Variants in PLCZ1 observed in about 807,000 individuals in gnomAD.
The protein encoded by PLCZ1 is 1-phosphatidylinositol 4,5-bisphosphate phosphodiesterase zeta-1.
A neutral mutation model predicts 76.8 loss-of-function variants in PLCZ1; 64 were observed. The ratio of observed to expected loss-of-function variants is 0.83; its 90% confidence interval spans 0.68 to 1.03. PLCZ1 has a LOEUF of 1.03. Among genes scored for constraint, PLCZ1 ranks in the 50% least tolerant of loss-of-function variants. PLCZ1 has a pLI of 0.00. For missense variants in PLCZ1, 751 were observed against 713.7 expected (o/e 1.05, Z -0.60); for synonymous variants, 248 against 230.8 (o/e 1.07, Z -0.68).
At chr12:18,709,234 C>T (rs1006411703) in intron 6 of PLCZ1, among the ~76,000 whole-genome samples, 24 of 137,908 alleles carry the variant, frequency 1.7e-4, no homozygotes, top group Admixed American at 3.0e-4. Context: ...TTTAGCATGT[C>T]GAAATTCAGT....
At chr12:18,648,860 CA>C in the PLCZ1 span, among the ~76,000 whole-genome samples, 4 of 152,014 alleles carry the variant, frequency 2.6e-5, no homozygotes, top group Non-Finnish European at 1.5e-5. Flanking sequence ...TTCTTTAAAA[CA>C]ATCAAAAAAA....
chr12:18,647,411 T>C, the PLCZ1 span, among the ~76,000 whole-genome samples: 2 of 150,886 alleles, frequency 1.3e-5, no homozygotes, highest in Non-Finnish European at 2.9e-5. Flanking sequence ...GCAATATACC[T>C]CTGGTACAAA....
At chr12:18,661,699 A>G in the PLCZ1 span, among the ~76,000 whole-genome samples, 2 of 152,252 alleles carry the variant, frequency 1.3e-5, no homozygotes, top group South Asian at 4.1e-4. Flanking sequence ...TGCTGGTGGG[A>G]AAGAAATTAG....
Position 18,683,967 on chromosome 12 carries a change from A to G in PLCZ1, c.1741+163T>C, listed in dbSNP as rs577803970. On this transcript the variant is annotated intron_variant, in intron 14 of 14. Transcript: ENST00000266505. ...CCCCCACCCCACCTTCCACATGAGA[A>G]CACATTTTTATAATTCCACAGAGAA... 3.1e-3 allele frequency among the ~76,000 whole-genome samples: 479 copies of G among 152,070 alleles called. 4 individuals carry two copies. Among genetic ancestry groups the G allele is most frequent in the African/African-American group, 0.011 (443 of 41,518 alleles).
the PLCZ1 span, among the ~76,000 whole-genome samples, chr12:18,669,498 G>A: frequency 6.0e-4 from 91 of 152,144 alleles, no homozygotes; most frequent in African/African-American, 1.3e-3. Context: ...CCATAGACTC[G>A]GTGGCTTAAA....
In PLCZ1 at chr12:18,695,044, C is replaced by A. The variant is rs868835001; in HGVS notation, c.1327G>T (p.Asp443Tyr). ...TCCAAAAATTTCCCATTTTGCAGAT[C>A]CATGGGCAGACCAGGGGTCTGGAAA... is the stretch of plus-strand genomic sequence containing the variant. ...LNFQTPGLPM[D>Y]LQNGKFLDNG... Residue 443 changes from aspartate to tyrosine, a missense_variant, in exon 12 of 15, where the codon GAT becomes TAT. Physicochemically the swap from Asp to Tyr is radical, Grantham distance 160 (BLOSUM62 -3). Coordinates refer to ENST00000266505, the MANE Select transcript of PLCZ1 (RefSeq NM_033123.4). 1 of 1,613,098 alleles carries A rather than the reference C, an allele frequency of 6.2e-7. No homozygotes were observed. The highest frequency in any genetic ancestry group is 1.7e-5 in the Admixed American group (1 of 59,966).
chr12:18,709,495 T>C lies in PLCZ1; in HGVS notation c.714+3347A>G, dbSNP rs564967958. ...TCATTTCTCAGAATTATTTTGGCTA[T>C]TTGAAGTCTTTTATCCTTCTTTACA... On this transcript the variant is annotated intron_variant, in intron 6 of 14. Transcript: ENST00000266505. Among the ~76,000 whole-genome samples the C allele has an allele frequency of 8.0e-5, 12 of 150,788 alleles. No homozygotes were observed. The South Asian group carries it at 2.1e-3, about 26-fold the overall frequency.
At chr12:18,660,136 C>T in the PLCZ1 span, among the ~76,000 whole-genome samples, 30 of 152,200 alleles carry the variant, frequency 2.0e-4, no homozygotes, top group African/African-American at 6.7e-4. Context: ...TTGCTTGCAC[C>T]TTCCAGGAGA....
At chr12:18,702,770 T>C (rs536241297) in intron 7 of PLCZ1, among the ~76,000 whole-genome samples, 107 of 151,794 alleles carry the variant, frequency 7.0e-4, no homozygotes, top group African/African-American at 2.4e-3. Context: ...AACAAGTCTC[T>C]AGGCAATTCT....
intron 8 of PLCZ1, 52 bp downstream of exon 8, chr12:18,701,640 T>A (rs769764060): frequency 6.4e-7 from 1 of 1,573,302 alleles, no homozygotes; most frequent in Non-Finnish European, 8.6e-7. Context: ...CTCCTCCTCC[T>A]CCTCCTCCTC....
chr12:18,712,798 G>T (rs764144722), intron 6 of PLCZ1, 44 bp downstream of exon 6: 14 of 1,596,310 alleles, frequency 8.8e-6, no homozygotes, highest in Admixed American at 1.7e-5. Context: ...AATTAGAATT[G>T]CTTCTGTTTA....
chr12:18,650,957 C>A, the PLCZ1 span, among the ~76,000 whole-genome samples: 38 of 151,532 alleles, frequency 2.5e-4, 1 homozygote, highest in Non-Finnish European at 5.3e-4. Flanking sequence ...ATAGTCTATT[C>A]TCAACACAGC....
rs1320608679 is a variant in PLCZ1, at chr12:18,736,276, A to C, written c.80T>G (p.Leu27Ter). The C allele has an allele frequency of 6.2e-7, 1 of 1,612,826 alleles. No homozygotes were observed. The highest frequency in any genetic ancestry group is 1.7e-5 in the Admixed American group (1 of 59,972). ...GCACCGAATATCTAATTTTTCAAGT[A>C]ACCTCTGAGTTTTTTCTAGGTTAAT... ...GKINLEKTQR[L>*]LEKLDIRCSY... The change falls in exon 3 of 15, where the codon TTA becomes TGA. Residue 27 changes from leucine to a stop codon, truncating the protein, a stop_gained. Coordinates refer to ENST00000266505, the MANE Select transcript of PLCZ1 (RefSeq NM_033123.4). LOFTEE classifies it high-confidence loss of function.
Position 18,694,932 on chromosome 12 carries a change from A to C in PLCZ1, c.1439T>G (p.Met480Arg), listed in dbSNP as rs578005805. 1.2e-6 allele frequency: 2 copies of C among 1,600,658 alleles called. No individual in the cohort carries two copies. Among genetic ancestry groups the C allele is most frequent in the South Asian group, 2.2e-5 (2 of 90,398 alleles). ...TACCCTTATTGTAAGTGTAATTGGC[A>C]TACCCTCTTTTATGTTACTTGGGTT... ...YFNPSNIKEG[M>R]PITLTIRLIS... is the part of the protein sequence containing the mutation. Residue 480 changes from methionine (M) to arginine (R), a missense_variant, in exon 12 of 15, where the codon ATG (methionine) becomes AGG (arginine). Coordinates refer to ENST00000266505, the MANE Select transcript of PLCZ1 (RefSeq NM_033123.4).
At chr12:18,692,155 A>T (rs1443556147) in intron 12 of PLCZ1, among the ~76,000 whole-genome samples, 1 of 152,186 alleles carries the variant, frequency 6.6e-6, no homozygotes, top group Non-Finnish European at 1.5e-5. Context: ...CAGCTGGCAG[A>T]GCTTCACTAA....
At chr12:18,670,940 T>C in the PLCZ1 span, among the ~76,000 whole-genome samples, 2 of 152,066 alleles carry the variant, frequency 1.3e-5, no homozygotes, top group Non-Finnish European at 2.9e-5. Flanking sequence ...CCCAACACTT[T>C]GGGAGGCTGA....
At chr12:18,706,341 A>G (rs1039974818) in intron 6 of PLCZ1, among the ~76,000 whole-genome samples, 5 of 152,218 alleles carry the variant, frequency 3.3e-5, no homozygotes, top group Non-Finnish European at 7.3e-5. Flanking sequence ...GTAGCATGCT[A>G]TATTTTTATT....
intron 6 of PLCZ1, among the ~76,000 whole-genome samples, chr12:18,708,706 G>T (rs1212732878): frequency 6.6e-6 from 1 of 152,030 alleles, no homozygotes; most frequent in Non-Finnish European, 1.5e-5. Context: ...TTCTAACATG[G>T]TAAGACTGTG....
At chr12:18,647,850 AT>A in the PLCZ1 span, 1 of 1,395,872 alleles carries the variant, frequency 7.2e-7, no homozygotes, top group Non-Finnish European at 9.6e-7. Context: ...TCTGATTTAT[AT>A]TTTCATTATT....
Sources: gnomAD v4.1 joint callset for allele counts (sites outside exome capture counted in the v4.1 genomes callset) on GRCh38, gnomAD v4.1.1 for gene constraint, MANE v1.5 for transcripts, NCBI Gene and HGNC (gene_info 2026-07-23, HGNC 2026-07-21) for gene names.